Variants in ATAD2B observed in about 807,000 individuals in gnomAD.
ATAD2B encodes the protein ATPase family AAA domain containing 2B.
A neutral mutation model predicts 167.6 loss-of-function variants in ATAD2B; 40 were observed. The ratio of observed to expected loss-of-function variants is 0.24; its 90% CI spans 0.19 to 0.31. ATAD2B has a LOEUF of 0.31. Ranked by LOEUF, ATAD2B falls within the 10% of genes least tolerant of loss-of-function variation. The pLI, the probability that ATAD2B is intolerant of heterozygous loss-of-function variation, is 1.00. For synonymous variants in ATAD2B, 579 were observed against 596.5 expected, an observed-to-expected ratio of 0.97 and a Z score of 0.43; for missense variants, 1,242 against 1,757.2, an observed-to-expected ratio of 0.71 and a Z score of 5.24.
chr2:23,695,545 C>T, the ATAD2B span: 1 of 975,456 alleles, frequency 1.0e-6, no homozygotes, highest in Non-Finnish European at 1.5e-6. This position sits in a 1 kb window ranked among gnomAD's most constrained non-coding sequence, Gnocchi z 7.6. Flanking sequence ...TCTTGTGCAG[C>T]CCCACACCAT....
At position 23,887,902 on chromosome 2, in the gene ATAD2B, T is replaced by G. The variant is rs1698924500; in HGVS notation, c.502A>C (p.Ser168Arg). Reference sequence around the variant, plus strand: ...AATCTGTTTTTCCTGGAACGACAACTTTTTCTGACTTCCATGTCACCATTT... The same window carrying G: ...AATCTGTTTTTCCTGGAACGACAACGTTTTCTGACTTCCATGTCACCATTT... The part of the protein sequence containing the change: ...CINGDMEVRK[S>R]CRSRKNRFES... Residue 168 changes from serine (S) to arginine (R), a missense_variant, in exon 4 of 28, where the codon AGT becomes CGT. Around this residue, in one of 9 missense-constraint regions of ATAD2B, gnomAD observed 99 missense variants for 160.4 expected, o/e 0.62. Coordinates refer to ENST00000238789, the MANE Select transcript of ATAD2B (RefSeq NM_017552.4). 2 of 1,611,148 alleles carry G rather than the reference T, an allele frequency of 1.2e-6. No homozygotes were observed. The highest frequency in any genetic ancestry group is 1.7e-6 in the Non-Finnish European group (2 of 1,178,950).
chr2:23,799,629 G>T (rs932323103), intron 18 of ATAD2B, among the ~76,000 whole-genome samples: 1 of 149,868 alleles, frequency 6.7e-6, no homozygotes, highest in African/African-American at 2.5e-5. Context: ...TGGGATTATC[G>T]GAAACTATCC....
At chr2:23,706,141 G>C in the ATAD2B span, among the ~76,000 whole-genome samples, 2 of 152,206 alleles carry the variant, frequency 1.3e-5, no homozygotes, top group Admixed American at 6.5e-5. Context: ...GGAAGGCTGC[G>C]TGTGCCACAC....
rs370588813 is a variant in ATAD2B, at chr2:23,823,420, T to C, written c.1969A>G (p.Met657Val). The change falls in exon 16 of 28, where the codon ATG becomes GTG. Residue 657 changes from methionine (M) to valine (V), a missense_variant. This residue lies in a region of ATAD2B where 145 missense variants were observed against 181.9 expected (regional missense o/e 0.80). Coordinates refer to ENST00000238789, the MANE Select transcript of ATAD2B (RefSeq NM_017552.4). The stretch of plus-strand genomic sequence containing the variant: ...TGGGAAGCAGGCACGATATTCTGCA[T>C]TGCATGGTAAAAATCTTGGGCACTA... ...VLSAQDFYHAMQNIVPASQRA... is the reference protein window; with the variant it reads ...VLSAQDFYHAVQNIVPASQRA... The C allele has an allele frequency of 9.3e-6, 15 of 1,613,910 alleles. No homozygotes were observed. Among genetic ancestry groups the C allele is most frequent in the Middle Eastern group, 3.3e-4 (2 of 6,084 alleles).
chr2:23,858,534 C>G (rs891126501), intron 12 of ATAD2B, among the ~76,000 whole-genome samples: 3 of 142,048 alleles, frequency 2.1e-5, no homozygotes, highest in East Asian at 2.1e-4. Flanking sequence ...CTCTGTCACT[C>G]AGGCTTGAGT....
At chr2:23,706,151 C>T in the ATAD2B span, among the ~76,000 whole-genome samples, 1 of 152,242 alleles carries the variant, frequency 6.6e-6, no homozygotes, top group Non-Finnish European at 1.5e-5. Flanking sequence ...GTGTGCCACA[C>T]AAGAGCCTCC....
chr2:23,865,945 C>A (rs1010280871), intron 10 of ATAD2B: 1 of 964,152 alleles, frequency 1.0e-6, no homozygotes, highest in Middle Eastern at 5.3e-4. Context: ...GTGACTGCCT[C>A]TTCCCTGCTT....
At chr2:23,807,970 T>C in intron 18 of ATAD2B, among the ~76,000 whole-genome samples, 1 of 118,506 alleles carries the variant, frequency 8.4e-6, no homozygotes, top group African/African-American at 3.1e-5. Flanking sequence ...ATATATATAT[T>C]ATAAATATAT....
intron 18 of ATAD2B, among the ~76,000 whole-genome samples, chr2:23,801,769 T>G (rs1369204490): frequency 6.6e-6 from 1 of 152,032 alleles, no homozygotes; most frequent in Non-Finnish European, 1.5e-5. Context: ...ATATTAAAGA[T>G]ATTAAAGGCA....
chr2:23,705,550 G>T, the ATAD2B span, among the ~76,000 whole-genome samples: 2 of 152,084 alleles, frequency 1.3e-5, no homozygotes, highest in Non-Finnish European at 1.5e-5. Flanking sequence ...GCTGGGTCTT[G>T]CAAGATAATC....
chr2:23,918,202 CAA>C (rs35163952), intron 1 of ATAD2B, among the ~76,000 whole-genome samples: 1 of 95,958 alleles, frequency 1.0e-5, no homozygotes, highest in East Asian at 2.8e-4. Flanking sequence ...CTTGTCTCTA[CAA>C]AAAAAAAAAA....
At chr2:23,719,696 G>A in the ATAD2B span, among the ~76,000 whole-genome samples, 32 of 152,254 alleles carry the variant, frequency 2.1e-4, no homozygotes, top group Non-Finnish European at 4.1e-4. Context: ...ACCAGGAAAA[G>A]TGAGATTAAG....
In ATAD2B at chr2:23,864,751, A is replaced by C. The variant is rs72788214; in HGVS notation, c.1304+58T>G. The stretch of plus-strand genomic sequence containing the variant: ...ATTTATATTTATAGCAATTTACTCA[A>C]ATAACATTTGAGAAAGTAACAGTAA... On this transcript the variant is annotated intron_variant, in intron 11 of 27. Transcript: ENST00000238789. 0.13 allele frequency: 99,302 copies of C among 764,596 alleles called. 7,094 individuals are homozygous for C. The highest frequency in any genetic ancestry group is 0.21 in the Middle Eastern group (680 of 3,276). The allele number at this position is 764,596 out of a possible 1,614,324, so 47.4% of individuals were successfully genotyped here. A position where few individuals can be genotyped will look rare whatever the true frequency, so the allele number is the denominator to read the frequency against.
At chr2:23,737,591 T>TG in the ATAD2B span, among the ~76,000 whole-genome samples, 5 of 151,708 alleles carry the variant, frequency 3.3e-5, no homozygotes, top group East Asian at 9.7e-4. Flanking sequence ...ACCACAAAGA[T>TG]GGGGGAAAAA....
rs1382860494 is a variant in ATAD2B, at chr2:23,750,281, C to CT, written c.*1764dup. 1 of 151,958 alleles carries CT rather than the reference C, an allele frequency of 6.6e-6. No individual in the cohort carries two copies. Among genetic ancestry groups the CT allele is most frequent in the African/African-American group, 2.4e-5 (1 of 41,386 alleles). 9.4% of individuals were successfully genotyped at this position (151,958 alleles called of 1,614,324 possible). A position where few individuals can be genotyped will look rare whatever the true frequency, so the allele number is the denominator to read the frequency against. ...TATGACTAACTGGATATTACAGAAA[C>CT]TTCACAGACTAGGTACAAAGAAAAC... On this transcript the variant is annotated 3_prime_UTR_variant, in exon 28 of 28. Transcript: ENST00000238789.
chr2:23,727,024 G>C, the ATAD2B span, among the ~76,000 whole-genome samples: 3 of 152,008 alleles, frequency 2.0e-5, no homozygotes, highest in African/African-American at 7.3e-5. Context: ...TAAAAAAACA[G>C]ATTGTTAGAT....
chr2:23,910,740 C>T (rs1417386344), intron 1 of ATAD2B, among the ~76,000 whole-genome samples: 3 of 151,580 alleles, frequency 2.0e-5, no homozygotes, highest in South Asian at 2.1e-4. Context: ...TGGGGGAGCA[C>T]GCCTGTAGTT....
At chr2:23,789,429 T>C (rs1302772339) in intron 19 of ATAD2B, among the ~76,000 whole-genome samples, 2 of 152,206 alleles carry the variant, frequency 1.3e-5, no homozygotes, top group Non-Finnish European at 2.9e-5. Flanking sequence ...CAGAGACCAC[T>C]TCTTATTCAC....
intron 12 of ATAD2B, among the ~76,000 whole-genome samples, chr2:23,860,807 C>T (rs1327219241): frequency 6.6e-6 from 1 of 152,066 alleles, no homozygotes; most frequent in Non-Finnish European, 1.5e-5. Flanking sequence ...CCTGTCTGTA[C>T]TAAAAATACA....
Sources: gnomAD v4.1 joint callset for allele counts (sites outside exome capture counted in the v4.1 genomes callset) on GRCh38, gnomAD v4.1.1 for gene constraint, gnomAD v4.1.1 regional missense constraint, Gnocchi (gnomAD v3.1) non-coding constraint, MANE v1.5 for transcripts, NCBI Gene and HGNC (gene_info 2026-07-23, HGNC 2026-07-21) for gene names.